Variants in CCDC39 observed in about 807,000 individuals in gnomAD.
The protein encoded by CCDC39 is coiled-coil domain-containing protein 39.
In CCDC39, 113 loss-of-function variants were observed where a neutral mutation model predicts 121.0. The ratio of observed to expected loss-of-function variants is 0.93; its 90% confidence interval spans 0.80 to 1.09. The LOEUF is 1.09. Ranked by LOEUF, CCDC39 falls within the 50% of genes least tolerant of loss-of-function variation. The pLI, the probability that CCDC39 is intolerant of heterozygous loss-of-function variation, is 0.00. For synonymous variants in CCDC39, 349 were observed against 352.2 expected (o/e 0.99, Z 0.10); for missense variants, 1,063 against 1,074.7 (o/e 0.99, Z 0.15).
In CCDC39 at chr3:180,663,994, T is replaced by A; in HGVS notation, c.91-8A>T. 4 of 1,607,754 alleles carry A rather than the reference T, an allele frequency of 2.5e-6. No homozygotes were observed. Among genetic ancestry groups the A allele is most frequent in the Non-Finnish European group, 3.4e-6 (4 of 1,177,768 alleles). On this transcript the variant is annotated splice_region_variant and splice_polypyrimidine_tract_variant and intron_variant, in intron 1 of 19. Transcript: ENST00000476379. The stretch of plus-strand genomic sequence containing the variant: ...ATCCTTCAGCTTTGACAACTGTAAA[T>A]AATAAATACTATGATTAACCAAAGT...
chr3:180,635,847 C>A (rs959322482), intron 13 of CCDC39, among the ~76,000 whole-genome samples: 1 of 152,092 alleles, frequency 6.6e-6, no homozygotes, highest in Non-Finnish European at 1.5e-5. Flanking sequence ...GAACTAAAGA[C>A]AAAAATAACA....
intron 14 of CCDC39, among the ~76,000 whole-genome samples, chr3:180,625,563 T>C (rs1235916630): frequency 6.6e-6 from 1 of 152,154 alleles, no homozygotes; most frequent in African/African-American, 2.4e-5. Context: ...TCCTTGCTTT[T>C]TCATGGTTCC....
At chr3:180,658,322 G>A (rs949362043) in intron 6 of CCDC39, among the ~76,000 whole-genome samples, 4 of 151,002 alleles carry the variant, frequency 2.6e-5, no homozygotes, top group African/African-American at 7.3e-5. Context: ...TCTGCCAGGC[G>A]CGGTGGCTCA....
At chr3:180,659,383 G>T in intron 6 of CCDC39, 69 bp downstream of exon 6, 4 of 1,558,656 alleles carry the variant, frequency 2.6e-6, no homozygotes, top group Non-Finnish European at 1.7e-6. Context: ...ATTTACATTT[G>T]GAATAATGAG....
chr3:180,672,509 G>A (rs142117437), intron 1 of CCDC39, among the ~76,000 whole-genome samples: 14 of 152,240 alleles, frequency 9.2e-5, no homozygotes, highest in East Asian at 3.9e-4. Flanking sequence ...AAGGAGAATC[G>A]CTTGAACCCA....
Position 180,631,534 on chromosome 3 carries a change from G to A in CCDC39, c.1933C>T (p.Leu645=). 1 of 1,609,156 alleles carries A rather than the reference G, an allele frequency of 6.2e-7. No individual in the cohort carries two copies. Among genetic ancestry groups the A allele is most frequent in the South Asian group, 1.1e-5 (1 of 91,002 alleles). ...IEKLKNRYEI[L]TVVMLPPEGE... is the part of the protein sequence containing the mutation. Reference sequence around the variant, plus strand: ...TCAGGAGGCAGCATAACAACAGTCAGAATTTCATATCTATTCTTCAGCTTC... The same window carrying A: ...TCAGGAGGCAGCATAACAACAGTCAAAATTTCATATCTATTCTTCAGCTTC... Residue 645 remains leucine, a synonymous_variant, in exon 14 of 20, where the codon CTG becomes TTG. Transcript: ENST00000476379.
intron 6 of CCDC39, among the ~76,000 whole-genome samples, chr3:180,655,585 T>C (rs1452896999): frequency 6.6e-6 from 1 of 151,118 alleles, no homozygotes; most frequent in Non-Finnish European, 1.5e-5. Flanking sequence ...AAAAAAGACG[T>C]GCCCAAGAGG....
chr3:180,619,987 A>C lies in CCDC39; in HGVS notation c.1999-17T>G. 1.3e-6 allele frequency: 2 copies of C among 1,569,580 alleles called. No individual in the cohort carries two copies. The highest frequency in any genetic ancestry group is 1.7e-6 in the Non-Finnish European group (2 of 1,157,360). On this transcript the variant is annotated splice_polypyrimidine_tract_variant and intron_variant, in intron 14 of 19. Coordinates refer to ENST00000476379, the MANE Select transcript of CCDC39 (RefSeq NM_181426.2). Reference sequence around the variant, plus strand: ...TTGAGCAGCCTATGAAGTACAGAATAGAACTGGTTGAATAAAAGCATTTAC... The same window carrying C: ...TTGAGCAGCCTATGAAGTACAGAATCGAACTGGTTGAATAAAAGCATTTAC...
At chr3:180,629,891 T>C (rs997337487) in intron 14 of CCDC39, among the ~76,000 whole-genome samples, 14 of 152,176 alleles carry the variant, frequency 9.2e-5, no homozygotes, top group Non-Finnish European at 1.6e-4. Flanking sequence ...CATATAAAAC[T>C]TGTCTGTGTT....
At chr3:180,646,556 A>G (rs1446247864) in intron 11 of CCDC39, among the ~76,000 whole-genome samples, 2 of 152,170 alleles carry the variant, frequency 1.3e-5, no homozygotes, top group African/African-American at 4.8e-5. Flanking sequence ...CATTTCAAAT[A>G]TTATAACTAA....
chr3:180,674,891 TG>T (rs1712149380), intron 1 of CCDC39, among the ~76,000 whole-genome samples: 1 of 152,214 alleles, frequency 6.6e-6, no homozygotes, highest in African/African-American at 2.4e-5. Context: ...CAGTATTTTA[TG>T]GAGGATTTTT....
Position 180,617,052 on chromosome 3 carries a change from AATTC to A in CCDC39, c.2266-90_2266-87del, listed in dbSNP as rs1195131802. Reference sequence around the variant, plus strand: ...ATTTATCAAGTATTCATTTAATTTTAATTCATTTATTTTTGTACATAATATACAT... The same window carrying A: ...ATTTATCAAGTATTCATTTAATTTTAATTTATTTTTGTACATAATATACAT... On this transcript the variant is annotated intron_variant, in intron 16 of 19. Coordinates refer to ENST00000476379, the MANE Select transcript of CCDC39 (RefSeq NM_181426.2). The A allele has an allele frequency of 1.0e-5, 8 of 762,188 alleles. No individual in the cohort carries two copies. In the Middle Eastern group the frequency reaches 1.6e-3, roughly 148 times the overall value. 47.2% of individuals were successfully genotyped at this position (762,188 alleles called of 1,614,324 possible). A position where few individuals can be genotyped will look rare whatever the true frequency, so the allele number is the denominator to read the frequency against.
intron 1 of CCDC39, among the ~76,000 whole-genome samples, chr3:180,677,168 TTATATATATA>T (rs58408770): frequency 0.032 from 1,127 of 35,140 alleles, 32 homozygotes; most frequent in East Asian, 0.13. Flanking sequence ...AATAATAATT[TTATATATATA>T]TATATATATA....
chr3:180,678,704 T>C (rs1435254585), intron 1 of CCDC39, among the ~76,000 whole-genome samples: 2 of 151,982 alleles, frequency 1.3e-5, no homozygotes, highest in East Asian at 1.9e-4. Flanking sequence ...TAGTGTAAGT[T>C]CGTCCTTGCA....
intron 1 of CCDC39, among the ~76,000 whole-genome samples, chr3:180,664,840 G>A (rs925249922): frequency 4.1e-5 from 6 of 148,102 alleles, no homozygotes; most frequent in Admixed American, 2.1e-4. Context: ...GGGATTACAG[G>A]TGCCCACCAC....
Position 180,654,835 on chromosome 3 carries a change from G to A in CCDC39, c.857C>T (p.Ala286Val). Residue 286 changes from alanine (A) to valine (V), a missense_variant, in exon 7 of 20, where the codon GCT becomes GTT. Transcript: ENST00000476379. ...TCTACATTTTAAAAGTTTACGATCA[G>A]CCACAGAAATTCTTTTCTCAAACTC... is the stretch of plus-strand genomic sequence containing the variant. Reference protein sequence around the residue: ...NTEFEKRISVADRKLLKCRTA... With the variant: ...NTEFEKRISVVDRKLLKCRTA... 1 of 1,609,852 alleles carries A rather than the reference G, an allele frequency of 6.2e-7. No individual in the cohort carries two copies. The highest frequency in any genetic ancestry group is 1.1e-5 in the South Asian group (1 of 90,038).
At chr3:180,658,822 T>C (rs1184500013) in intron 6 of CCDC39, among the ~76,000 whole-genome samples, 2 of 152,150 alleles carry the variant, frequency 1.3e-5, no homozygotes, top group Non-Finnish European at 2.9e-5. Context: ...ATTTAACCCA[T>C]CTTCTCACCT....
In CCDC39 at chr3:180,652,152, T is replaced by C. The variant is rs780737889; in HGVS notation, c.1034+11A>G. The stretch of plus-strand genomic sequence containing the variant: ...ATAATCATAAACATATTTAGATAGT[T>C]TTTTTCTTACCTTGCTGTTTCTTCA... On this transcript the variant is annotated intron_variant, in intron 8 of 19. Transcript: ENST00000476379. 1.0e-4 allele frequency: 141 copies of C among 1,380,940 alleles called. No individual in the cohort carries two copies. The highest frequency in any genetic ancestry group is 1.3e-4 in the Non-Finnish European group (131 of 1,013,224). The allele number at this position is 1,380,940 out of a possible 1,614,324, so 85.5% of individuals were successfully genotyped here.
At position 180,659,550 on chromosome 3, in the gene CCDC39, G is replaced by C. The variant is rs749794148; in HGVS notation, c.640C>G (p.Arg214Gly). 3.7e-6 allele frequency: 6 copies of C among 1,612,848 alleles called. No homozygotes were observed. Among genetic ancestry groups the C allele is most frequent in the Non-Finnish European group, 5.1e-6 (6 of 1,179,532 alleles). Residue 214 changes from arginine (R) to glycine (G), a missense_variant, in exon 6 of 20, where the codon CGT (arginine) becomes GGT (glycine). By Grantham distance (125) the Arg-to-Gly change is moderately radical (BLOSUM62 -2). Coordinates refer to ENST00000476379, the MANE Select transcript of CCDC39 (RefSeq NM_181426.2). ...LELDKAAQDFRKIHNERQELI... is the reference protein window; with the variant it reads ...LELDKAAQDFGKIHNERQELI... Reference sequence around the variant, plus strand: ...TCTTGTCTTTCATTATGAATCTTACGAAAATCTTGTGCTGCTTTATCCAAT... The same window carrying C: ...TCTTGTCTTTCATTATGAATCTTACCAAAATCTTGTGCTGCTTTATCCAAT...
Sources: allele counts gnomAD v4.1 joint callset (sites outside exome capture counted in the v4.1 genomes callset), GRCh38; gene constraint gnomAD v4.1.1; transcripts MANE v1.5; gene names NCBI Gene and HGNC (gene_info 2026-07-23, HGNC 2026-07-21).